POU2AF2: variants seen among roughly 807,000 people sequenced by gnomAD.
POU2AF2 encodes POU domain class 2-associating factor 2.
chr11:111,277,842 T>A, the POU2AF2 span, among the ~76,000 whole-genome samples: 1 of 152,202 alleles, frequency 6.6e-6, no homozygotes, highest in Non-Finnish European at 1.5e-5. Flanking sequence ...ACATATGTGT[T>A]GGCACAGATC....
chr11:111,285,671 A>G, the POU2AF2 span: 1 of 1,613,208 alleles, frequency 6.2e-7, no homozygotes, highest in Non-Finnish European at 8.5e-7. Flanking sequence ...ATGGGAGCAG[A>G]CGTTGCCTGA....
chr11:111,278,660 C>G, the POU2AF2 span, among the ~76,000 whole-genome samples: 1 of 152,092 alleles, frequency 6.6e-6, no homozygotes, highest in Non-Finnish European at 1.5e-5. Context: ...AAAACCACAC[C>G]TAGATCTCAG....
chr11:111,282,690 G>A, the POU2AF2 span, among the ~76,000 whole-genome samples: 1 of 152,230 alleles, frequency 6.6e-6, no homozygotes, highest in Non-Finnish European at 1.5e-5. Context: ...GGAATTCTGT[G>A]TCTATAGAAT....
chr11:111,249,142 C>G, the POU2AF2 span, among the ~76,000 whole-genome samples: 1 of 152,162 alleles, frequency 6.6e-6, no homozygotes, highest in Non-Finnish European at 1.5e-5. Context: ...TTTGTTTTCT[C>G]AACAACTGAT....
chr11:111,270,117 G>A, the POU2AF2 span, among the ~76,000 whole-genome samples: 1 of 152,142 alleles, frequency 6.6e-6, no homozygotes, highest in Non-Finnish European at 1.5e-5. Context: ...CCTGTCCCCA[G>A]TTCTCTTGTC....
chr11:111,285,856 C>T, the POU2AF2 span: 2 of 1,610,182 alleles, frequency 1.2e-6, no homozygotes, highest in South Asian at 2.2e-5. Flanking sequence ...AAGATCTGCA[C>T]CACACTCCGG....
chr11:111,250,971 G>T, the POU2AF2 span, among the ~76,000 whole-genome samples: 1 of 152,152 alleles, frequency 6.6e-6, no homozygotes, highest in Non-Finnish European at 1.5e-5. Flanking sequence ...CCATTATGAG[G>T]ACTTTGGTTC....
At chr11:111,284,413 G>C in the POU2AF2 span, 1 of 1,543,760 alleles carries the variant, frequency 6.5e-7, no homozygotes, top group Non-Finnish European at 8.7e-7. Flanking sequence ...GGGAGTAAAA[G>C]AGGGGCGAGG....
At chr11:111,277,479 G>T in the POU2AF2 span, among the ~76,000 whole-genome samples, 1 of 152,224 alleles carries the variant, frequency 6.6e-6, no homozygotes, top group African/African-American at 2.4e-5. Flanking sequence ...TTTTAGAGCA[G>T]ATATGTCAAA....
chr11:111,256,199 G>A, the POU2AF2 span: 3 of 397,242 alleles, frequency 7.6e-6, no homozygotes, highest in Middle Eastern at 6.4e-4. Flanking sequence ...TCAAAACAAA[G>A]CCTTCCTTTA....
At chr11:111,274,872 C>T in the POU2AF2 span, among the ~76,000 whole-genome samples, 4 of 152,086 alleles carry the variant, frequency 2.6e-5, no homozygotes, top group African/African-American at 9.7e-5. Context: ...CCGACTACCA[C>T]CATCGCCACA....
chr11:111,275,802 T>A, the POU2AF2 span, among the ~76,000 whole-genome samples: 2 of 152,118 alleles, frequency 1.3e-5, no homozygotes, highest in South Asian at 4.2e-4. Context: ...ACCAAATAGA[T>A]TCTAAAAATC....
At chr11:111,271,335 G>A in the POU2AF2 span, among the ~76,000 whole-genome samples, 2 of 151,656 alleles carry the variant, frequency 1.3e-5, no homozygotes, top group African/African-American at 2.4e-5. Context: ...AAAAAAAAAA[G>A]AAAGAGAGTT....
the POU2AF2 span, chr11:111,284,086 C>T: frequency 5.6e-6 from 9 of 1,610,224 alleles, no homozygotes; most frequent in Non-Finnish European, 7.6e-6. Flanking sequence ...GTTCGCCGGT[C>T]ACGTCAGGTT....
chr11:111,276,454 ATATATATAT>A, the POU2AF2 span, among the ~76,000 whole-genome samples: 41 of 19,066 alleles, frequency 2.2e-3, no homozygotes, highest in South Asian at 8.5e-3. Context: ...AAAAAAAAAA[ATATATATAT>A]ATATATATAT....
chr11:111,248,451 G>T, the POU2AF2 span, among the ~76,000 whole-genome samples: 3 of 152,140 alleles, frequency 2.0e-5, no homozygotes, highest in African/African-American at 4.8e-5. Flanking sequence ...GCAGAGAATG[G>T]ACCAAATATA....
At chr11:111,249,835 G>T in the POU2AF2 span, among the ~76,000 whole-genome samples, 1 of 151,866 alleles carries the variant, frequency 6.6e-6, no homozygotes, top group African/African-American at 2.4e-5. Flanking sequence ...CACCCCTACC[G>T]CTTGAAGTCC....
the POU2AF2 span, among the ~76,000 whole-genome samples, chr11:111,271,569 G>C: frequency 6.6e-6 from 1 of 152,172 alleles, no homozygotes; most frequent in African/African-American, 2.4e-5. Flanking sequence ...CTTCAGGCAT[G>C]TGCCACCATG....
the POU2AF2 span, among the ~76,000 whole-genome samples, chr11:111,279,175 G>A: frequency 6.6e-6 from 1 of 152,150 alleles, no homozygotes; most frequent in Non-Finnish European, 1.5e-5. Flanking sequence ...TTCCTTCAGA[G>A]GTCAGCTTAG....
Sources: allele counts gnomAD v4.1 joint callset (sites outside exome capture counted in the v4.1 genomes callset), GRCh38; gene constraint gnomAD v4.1.1; transcripts MANE v1.5; gene names NCBI Gene and HGNC (gene_info 2026-07-23, HGNC 2026-07-21).